Variants in COQ8A observed in about 807,000 individuals in gnomAD.
The protein encoded by COQ8A is atypical kinase COQ8A, mitochondrial.
In COQ8A, 51 loss-of-function variants were observed where a neutral mutation model predicts 65.0. The observed-to-expected ratio is 0.78, with a 90% CI of 0.63 to 0.99. COQ8A has a LOEUF of 0.99. Among genes scored for constraint, COQ8A ranks in the 50% least tolerant of loss-of-function variants. The probability of loss-of-function intolerance (pLI) is 0.00; values close to 1 mark genes in which losing one functional copy is unlikely to be tolerated. For synonymous variants in COQ8A, 371 were observed against 353.2 expected (o/e 1.05, Z -0.57); for missense variants, 940 against 875.0 (o/e 1.07, Z -0.94).
rs1364772471 is a variant in COQ8A at position 226,986,800 on chromosome 1, A to G, written c.*63A>G. The G allele has an allele frequency of 1.3e-6, 2 of 1,571,488 alleles. No individual in the cohort carries two copies. Reference sequence around the variant, plus strand: ...CTCTCCCTCAGACAGGCCAAAAACCAGTAGCGAGGTCGTGGTGATGCTCTT... The same window carrying G: ...CTCTCCCTCAGACAGGCCAAAAACCGGTAGCGAGGTCGTGGTGATGCTCTT... On this transcript the variant is annotated 3_prime_UTR_variant, in exon 15 of 15. Coordinates refer to ENST00000366777, the MANE Select transcript of COQ8A (RefSeq NM_020247.5).
intron 8 of COQ8A, chr1:226,983,313 T>C: frequency 1.5e-6 from 1 of 659,744 alleles, no homozygotes; most frequent in Non-Finnish European, 2.6e-6. Flanking sequence ...GGGCCAGAGC[T>C]GGTGGGAGGG....
chr1:226,957,964 G>T (rs1657914149), intron 1 of COQ8A: 1 of 152,170 alleles, frequency 6.6e-6, no homozygotes, highest in South Asian at 2.1e-4. Flanking sequence ...ACACAGCCTT[G>T]TGCAGCTTTC....
chr1:226,973,596 G>C (rs955709615), intron 4 of COQ8A, among the ~76,000 whole-genome samples: 2 of 152,190 alleles, frequency 1.3e-5, no homozygotes, highest in African/African-American at 4.8e-5. Flanking sequence ...CAGCCGCTAG[G>C]AACTCCTCTC....
chr1:226,962,818 A>G (rs771787931), intron 2 of COQ8A, among the ~76,000 whole-genome samples: 1 of 152,170 alleles, frequency 6.6e-6, no homozygotes, highest in Non-Finnish European at 1.5e-5. Flanking sequence ...CTGTCCTGGG[A>G]TGGGGGCCAG....
chr1:226,987,008 TTTGTTTTC>T lies in COQ8A; in HGVS notation c.*274_*281del, dbSNP rs1660159879. ...AAGCAGATGAAGATGAAAGGGCAACTTTGTTTTCTTCTTTTTCCTGATGTGAATGTTAA... is the reference window on the plus strand; with the variant it reads ...AAGCAGATGAAGATGAAAGGGCAACTTTCTTTTTCCTGATGTGAATGTTAA... On this transcript the variant is annotated 3_prime_UTR_variant, in exon 15 of 15. Coordinates refer to ENST00000366777, the MANE Select transcript of COQ8A (RefSeq NM_020247.5). The T allele has an allele frequency of 1.3e-5, 7 of 533,402 alleles. No individual in the cohort carries two copies. The South Asian group carries it at 1.5e-4, about 11-fold the overall frequency. 33.0% of individuals were successfully genotyped at this position (533,402 alleles called of 1,614,324 possible).
rs955216780 is a variant in COQ8A, at chr1:226,972,611, A to C, written c.656-4838A>C. 6.6e-6 allele frequency among the ~76,000 whole-genome samples: 1 copy of C among 152,132 alleles called. No individual in the cohort carries two copies. The highest frequency in any genetic ancestry group is 1.5e-5 in the Non-Finnish European group (1 of 68,016). ...TTAGGCTGTTGGCTCTTGTTGCTTA[A>C]TTTCCCAAAGATGCCAGTACACTTC... On this transcript the variant is annotated intron_variant, in intron 4 of 14. Coordinates refer to ENST00000366777, the MANE Select transcript of COQ8A (RefSeq NM_020247.5). The surrounding 1 kb of genome is among the most constrained non-coding windows in gnomAD (Gnocchi z 4.3).
In COQ8A at chr1:226,965,648, GTCT is replaced by G; in HGVS notation, c.589-22_589-20del. 1 of 1,613,708 alleles carries G rather than the reference GTCT, an allele frequency of 6.2e-7. No homozygotes were observed. Among genetic ancestry groups the G allele is most frequent in the African/African-American group, 1.3e-5 (1 of 75,060 alleles). The stretch of plus-strand genomic sequence containing the variant: ...CCTGTCCCCTTGGCTGATTCCACAG[GTCT>G]CTTTCTCGTCTCCCTCCAGCTCAGC... On this transcript the variant is annotated intron_variant, in intron 3 of 14. Coordinates refer to ENST00000366777, the MANE Select transcript of COQ8A (RefSeq NM_020247.5).
At chr1:226,962,446 T>A (rs1339800956) in intron 2 of COQ8A, among the ~76,000 whole-genome samples, 2 of 152,212 alleles carry the variant, frequency 1.3e-5, no homozygotes, top group Non-Finnish European at 2.9e-5. Context: ...TGGCGTCACC[T>A]TGCACAGTTG....
intron 1 of COQ8A, among the ~76,000 whole-genome samples, chr1:226,951,955 T>A (rs1657415905): frequency 6.6e-6 from 1 of 152,216 alleles, no homozygotes; most frequent in Admixed American, 6.5e-5. Context: ...GGAAGGACAC[T>A]AATTATGTGT....
rs529818213 is a variant in COQ8A at position 226,959,394 on chromosome 1, C to T, written c.-9-1983C>T. On this transcript the variant is annotated intron_variant, in intron 1 of 14. Transcript: ENST00000366777. Reference sequence around the variant, plus strand: ...TGTGAACAGCCTTGACACTCCAGCCCGGGCAACATAGTGAGACCCCTCTCT... The same window carrying T: ...TGTGAACAGCCTTGACACTCCAGCCTGGGCAACATAGTGAGACCCCTCTCT... Among the ~76,000 whole-genome samples, 15 of 151,650 alleles carry T rather than the reference C, an allele frequency of 9.9e-5. No homozygotes were observed. In the South Asian group the frequency reaches 1.9e-3, roughly 19 times the overall value.
chr1:226,984,417 T>G, intron 11 of COQ8A, 131 bp from the exon 12 acceptor site: 1 of 1,265,758 alleles, frequency 7.9e-7, no homozygotes, highest in Non-Finnish European at 1.1e-6. Context: ...CTGGCCCAAG[T>G]AACACTGGGA....
At chr1:226,947,499 T>G (rs1319515983) in intron 1 of COQ8A, among the ~76,000 whole-genome samples, 1 of 152,134 alleles carries the variant, frequency 6.6e-6, no homozygotes, top group South Asian at 2.1e-4. Flanking sequence ...TAAAAGTGTT[T>G]TGAAAGATTA....
rs201134290 is a variant in COQ8A, at chr1:226,984,233, G to C, written c.1396G>C (p.Glu466Gln). 4.3e-6 allele frequency: 7 copies of C among 1,613,426 alleles called. No individual in the cohort carries two copies. The East Asian group carries it at 8.9e-5, about 21-fold the overall frequency. The change falls in exon 11 of 15, where the codon GAG becomes CAG. Residue 466 changes from glutamate (E) to glutamine (Q), a missense_variant and splice_region_variant. By Grantham distance (29) the Glu-to-Gln change is conservative (BLOSUM62 2). Transcript: ENST00000366777. ...AEGLSQEIRN[E>Q]ICYNILVLCL... ...AGGGCTCAGCCAGGAGATTCGGAAC[G>C]AGGTTTGTCTGTGCCAGCAGACAGG...
chr1:226,961,623 G>A (rs1023163306), intron 2 of COQ8A, 61 bp downstream of exon 2: 66 of 1,545,882 alleles, frequency 4.3e-5, no homozygotes, highest in Non-Finnish European at 5.3e-5. Flanking sequence ...TGGAGCTCTG[G>A]GGGAGACCAA....
At chr1:226,944,885 T>C (rs1194957786) in intron 1 of COQ8A, among the ~76,000 whole-genome samples, 1 of 152,014 alleles carries the variant, frequency 6.6e-6, no homozygotes, top group Non-Finnish European at 1.5e-5. Flanking sequence ...CTCTGCACCG[T>C]CCACTGGAAT....
chr1:226,963,597 T>C (rs1400574661), intron 2 of COQ8A, among the ~76,000 whole-genome samples: 3 of 152,202 alleles, frequency 2.0e-5, no homozygotes, highest in East Asian at 3.9e-4. Flanking sequence ...ATATGACTTC[T>C]GTGGTTTTTT....
intron 7 of COQ8A, 38 bp downstream of exon 7, chr1:226,982,801 C>T (rs375351924): frequency 4.6e-5 from 74 of 1,612,908 alleles, no homozygotes; most frequent in East Asian, 8.9e-5. Flanking sequence ...TCTGTGGCCT[C>T]GGCCCCCACT....
intron 6 of COQ8A, 85 bp downstream of exon 6, chr1:226,982,234 C>T: frequency 6.6e-7 from 1 of 1,513,128 alleles, no homozygotes; most frequent in Non-Finnish European, 8.9e-7. Context: ...GTGGCCCCAC[C>T]AAAGCTCAGT....
In COQ8A at chr1:226,946,099, T is replaced by G. The variant is rs1368118565; in HGVS notation, c.-10+5700T>G. Among the ~76,000 whole-genome samples, 3 of 151,942 alleles carry G rather than the reference T, an allele frequency of 2.0e-5. No individual in the cohort carries two copies. The South Asian group carries it at 6.2e-4, about 32-fold the overall frequency. The stretch of plus-strand genomic sequence containing the variant: ...TCACTGACTCATAATGCTAATAAAC[T>G]CGTGTGTATGAGGACAGTGCCAGAC... On this transcript the variant is annotated intron_variant, in intron 1 of 14. Coordinates refer to ENST00000366777, the MANE Select transcript of COQ8A (RefSeq NM_020247.5). The surrounding 1 kb of genome is among the most constrained non-coding windows in gnomAD (Gnocchi z 5.3).
Sources: gnomAD v4.1 joint callset for allele counts (sites outside exome capture counted in the v4.1 genomes callset) on GRCh38, gnomAD v4.1.1 for gene constraint, Gnocchi (gnomAD v3.1) non-coding constraint, MANE v1.5 for transcripts, NCBI Gene and HGNC (gene_info 2026-07-23, HGNC 2026-07-21) for gene names.